The following HRH1 variants were observed in gnomAD, a reference collection of about 807,000 sequenced individuals.
HRH1 encodes the protein histamine H1 receptor.
In HRH1, 6 loss-of-function variants were observed where a neutral mutation model predicts 10.3. The ratio of observed to expected loss-of-function variants is 0.58; its 90% CI spans 0.32 to 1.15. The LOEUF is 1.15. Ranked by LOEUF, HRH1 falls within the 50% of genes most tolerant of loss-of-function variation. HRH1 has a pLI of 0.05. For missense variants in HRH1, 514 were observed against 615.3 expected, an observed-to-expected ratio of 0.84 and a Z score of 1.74; for synonymous variants, 242 against 236.7, an observed-to-expected ratio of 1.02 and a Z score of -0.21.
At chr3:11,184,073 A>G (rs1937408409) in intron 1 of HRH1, among the ~76,000 whole-genome samples, 1 of 152,022 alleles carries the variant, frequency 6.6e-6, no homozygotes, top group South Asian at 2.1e-4. Flanking sequence ...GTAAATGAAC[A>G]GAGCCAGTGC....
intron 1 of HRH1, among the ~76,000 whole-genome samples, chr3:11,181,804 T>C (rs1937359718): frequency 6.6e-6 from 1 of 151,934 alleles, no homozygotes; most frequent in Non-Finnish European, 1.5e-5. Flanking sequence ...GCTAATTTTT[T>C]GTATTTTTAG....
At chr3:11,249,128 G>C (rs1286813009) in intron 1 of HRH1, among the ~76,000 whole-genome samples, 1 of 152,126 alleles carries the variant, frequency 6.6e-6, no homozygotes, top group Non-Finnish European at 1.5e-5. Flanking sequence ...TGGGCGCGGT[G>C]GCTCATGCCT....
chr3:11,209,349 C>T (rs1329745917), intron 1 of HRH1, among the ~76,000 whole-genome samples: 1 of 152,168 alleles, frequency 6.6e-6, no homozygotes, highest in East Asian at 1.9e-4. Context: ...GCCTCAGCCT[C>T]CCCAGTACTG....
chr3:11,221,773 C>A (rs1295106113), intron 1 of HRH1, among the ~76,000 whole-genome samples: 1 of 152,134 alleles, frequency 6.6e-6, no homozygotes, highest in South Asian at 2.1e-4. Context: ...CAGCCCCCGG[C>A]AGCCACCATT....
intron 1 of HRH1, among the ~76,000 whole-genome samples, chr3:11,147,614 A>G (rs972456967): frequency 6.6e-6 from 1 of 151,710 alleles, no homozygotes; most frequent in Admixed American, 6.6e-5. Flanking sequence ...TAGGTGTAGA[A>G]AAAAAAAAGA....
In HRH1 at chr3:11,259,065, TTAGAAGAC is replaced by T. The variant is rs1939860979; in HGVS notation, c.29_36del (p.Leu10Ter). 1.2e-6 allele frequency: 2 copies of T among 1,608,406 alleles called. No individual in the cohort carries two copies. The highest frequency in any genetic ancestry group is 4.5e-5 in the East Asian group (2 of 44,828). ...GAGCCTCCCCAATTCCTCCTGCCTC[TTAGAAGAC>T]AAGATGTGTGAGGGCAACAAGACCA... On this transcript the variant is annotated frameshift_variant, in exon 2 of 2. Coordinates refer to ENST00000431010, the MANE Select transcript of HRH1 (RefSeq NM_001098212.2). LOFTEE classifies it low-confidence loss of function (END_TRUNC). The surrounding 1 kb of genome is among the most constrained non-coding windows in gnomAD (Gnocchi z 4.6).
chr3:11,223,045 C>A (rs866388625), intron 1 of HRH1, among the ~76,000 whole-genome samples: 3 of 151,370 alleles, frequency 2.0e-5, no homozygotes, highest in Non-Finnish European at 4.4e-5. Context: ...ATTAGCTGGG[C>A]ATGGTGGCGC....
intron 1 of HRH1, among the ~76,000 whole-genome samples, chr3:11,198,314 C>T (rs75826946): frequency 0.015 from 2,208 of 151,846 alleles, 52 homozygotes; most frequent in African/African-American, 0.051. Context: ...CCCCCATCCC[C>T]CCACATTCCA....
At chr3:11,223,620 G>C (rs555643103) in intron 1 of HRH1, among the ~76,000 whole-genome samples, 2 of 152,320 alleles carry the variant, frequency 1.3e-5, no homozygotes, top group East Asian at 3.9e-4. Context: ...GGGGCAAAGA[G>C]GGGGAGTCAA....
intron 1 of HRH1, among the ~76,000 whole-genome samples, chr3:11,139,577 G>A (rs1437300957): frequency 2.0e-5 from 3 of 152,156 alleles, no homozygotes; most frequent in African/African-American, 7.2e-5. Flanking sequence ...ACCGTGACCC[G>A]CCTGTTCTTA....
At chr3:11,151,789 G>A (rs1468673876), upstream of HRH1, among the ~76,000 whole-genome samples, 2 of 152,136 alleles carry the variant, frequency 1.3e-5, no homozygotes, top group Admixed American at 6.5e-5. Flanking sequence ...ACAGGGGCGA[G>A]CCACCATGCC....
At chr3:11,145,128 CA>C (rs1184200010) in intron 1 of HRH1, among the ~76,000 whole-genome samples, 2 of 152,132 alleles carry the variant, frequency 1.3e-5, no homozygotes, top group Non-Finnish European at 2.9e-5. Context: ...ACCTCTAAAC[CA>C]CCTTCCTCCC....
intron 1 of HRH1, among the ~76,000 whole-genome samples, chr3:11,212,212 T>C (rs1938351146): frequency 6.6e-6 from 1 of 152,310 alleles, no homozygotes; most frequent in Admixed American, 6.5e-5. Context: ...ATTTTCCTGC[T>C]GTGAGGCAGT....
intron 1 of HRH1, among the ~76,000 whole-genome samples, chr3:11,200,214 A>G (rs1247235403): frequency 6.6e-6 from 1 of 152,224 alleles, no homozygotes; most frequent in Non-Finnish European, 1.5e-5. Context: ...TGGAAAGGAT[A>G]GGAGTCCCTG....
intron 1 of HRH1, among the ~76,000 whole-genome samples, chr3:11,160,419 G>T (rs1049104755): frequency 6.6e-6 from 1 of 152,138 alleles, no homozygotes; most frequent in Non-Finnish European, 1.5e-5. Context: ...CAATTATTCA[G>T]ATAGGAAAAC....
intron 1 of HRH1, among the ~76,000 whole-genome samples, chr3:11,243,295 G>A (rs1414999081): frequency 6.6e-6 from 1 of 152,190 alleles, no homozygotes; most frequent in Non-Finnish European, 1.5e-5. Context: ...AGGCTCAGGA[G>A]AAATGATGGC....
chr3:11,191,615 A>T (rs1435377458), intron 1 of HRH1, among the ~76,000 whole-genome samples: 1 of 152,212 alleles, frequency 6.6e-6, no homozygotes, highest in African/African-American at 2.4e-5. Context: ...CGGGAAAGAT[A>T]GTCAGTGCCA....
chr3:11,229,611 T>G (rs1386944069), intron 1 of HRH1, among the ~76,000 whole-genome samples: 7 of 152,194 alleles, frequency 4.6e-5, no homozygotes, highest in Non-Finnish European at 8.8e-5. Flanking sequence ...AATTTGGTGC[T>G]GGGAGGTTTT....
At position 11,227,125 on chromosome 3, in the gene HRH1, C is replaced by T. The variant is rs544307339; in HGVS notation, c.-35-31878C>T. ...GGAAGCTGTGACAGCAGTTGAGAGA[C>T]GATGTTGTCAAAGTCTGCAGCAGAA... is the stretch of plus-strand genomic sequence containing the variant. On this transcript the variant is annotated intron_variant, in intron 1 of 1. Coordinates refer to ENST00000431010, the MANE Select transcript of HRH1 (RefSeq NM_001098212.2). 7.2e-5 allele frequency among the ~76,000 whole-genome samples: 11 copies of T among 152,138 alleles called. No homozygotes were observed. The South Asian group carries it at 1.7e-3, about 23-fold the overall frequency.
Sources: gnomAD v4.1 joint callset for allele counts (sites outside exome capture counted in the v4.1 genomes callset) on GRCh38, gnomAD v4.1.1 for gene constraint, Gnocchi (gnomAD v3.1) non-coding constraint, MANE v1.5 for transcripts, NCBI Gene and HGNC (gene_info 2026-07-23, HGNC 2026-07-21) for gene names.